The following CTNNA3 variants were observed in gnomAD, a reference collection of about 807,000 sequenced individuals.
The protein encoded by CTNNA3 is catenin alpha 3, also known as catenin alpha-3.
In CTNNA3, 76 loss-of-function variants were observed where a neutral mutation model predicts 95.7. The ratio of observed to expected loss-of-function variants is 0.79; its 90% CI spans 0.66 to 0.96. The LOEUF (loss-of-function observed/expected upper bound fraction) is 0.96. Ranked by LOEUF, CTNNA3 falls within the 40% of genes least tolerant of loss-of-function variation. CTNNA3 has a pLI of 0.00. For synonymous variants in CTNNA3, 431 were observed against 374.4 expected, an observed-to-expected ratio of 1.15 and a Z score of -1.74; for missense variants, 1,191 against 1,089.8, an observed-to-expected ratio of 1.09 and a Z score of -1.31.
chr10:66,855,971 G>T lies in CTNNA3; in HGVS notation c.1048-80447C>A, dbSNP rs146817320. Among the ~76,000 whole-genome samples the T allele has an allele frequency of 4.3e-4, 65 of 151,980 alleles. No homozygotes were observed. The East Asian group carries it at 0.012, about 29-fold the overall frequency. Reference sequence around the variant, plus strand: ...TTTGAGTTCAGTGGTACACATGCAGGTTTGTTATGTGAATAAATTGCATGC... The same window carrying T: ...TTTGAGTTCAGTGGTACACATGCAGTTTTGTTATGTGAATAAATTGCATGC... On this transcript the variant is annotated intron_variant, in intron 7 of 17. Transcript: ENST00000433211.
At chr10:66,279,960 A>G (rs565578488) in intron 13 of CTNNA3, among the ~76,000 whole-genome samples, 3 of 151,872 alleles carry the variant, frequency 2.0e-5, no homozygotes. Context: ...CAAACAGACA[A>G]CTCCCAGACT....
chr10:66,779,708 T>C (rs2132840150), intron 7 of CTNNA3, among the ~76,000 whole-genome samples: 1 of 152,340 alleles, frequency 6.6e-6, no homozygotes, highest in South Asian at 2.1e-4. Context: ...AAATTTTACA[T>C]AGAGCCTTTG....
Position 67,186,021 on chromosome 10 carries a change from G to T in CTNNA3, c.844-5501C>A, listed in dbSNP as rs117529064. ...AGCCTAGACTACAGAGCAAGACTCC[G>T]TCTCACAAAAAAAAAAAAAAAAAAA... On this transcript the variant is annotated intron_variant, in intron 6 of 17. Coordinates refer to ENST00000433211, the MANE Select transcript of CTNNA3 (RefSeq NM_013266.4). Among the ~76,000 whole-genome samples the T allele has an allele frequency of 0.012, 1,682 of 137,414 alleles. 91 individuals carry two copies. The East Asian group carries it at 0.18, about 14-fold the overall frequency. 90.1% of individuals were successfully genotyped at this position (137,414 alleles called of 152,430 possible).
chr10:66,410,823 G>C lies in CTNNA3; in HGVS notation c.1532-31471C>G, dbSNP rs148624362. Among the ~76,000 whole-genome samples, 183 of 152,210 alleles carry C rather than the reference G, an allele frequency of 1.2e-3. 2 individuals carry two copies. Among genetic ancestry groups the C allele is most frequent in the African/African-American group, 4.0e-3 (166 of 41,530 alleles). ...TTGGAATGCGTGCTGTGTTTCTAAG[G>C]CTCTTTCTCATCCTGGTGTTGGTCA... is the stretch of plus-strand genomic sequence containing the variant. On this transcript the variant is annotated intron_variant, in intron 11 of 17. Transcript: ENST00000433211.
intron 10 of CTNNA3, among the ~76,000 whole-genome samples, chr10:66,551,816 G>C (rs10997231): frequency 0.18 from 27,285 of 151,476 alleles, 3,143 homozygotes; most frequent in East Asian, 0.62. Flanking sequence ...CTGTTTTGGA[G>C]CTGTCCGTAC....
chr10:67,505,942 T>C (rs1337134290), intron 5 of CTNNA3, among the ~76,000 whole-genome samples: 1 of 152,206 alleles, frequency 6.6e-6, no homozygotes, highest in African/African-American at 2.4e-5. Context: ...ATCAGGTTTG[T>C]AATAATACAG....
intron 9 of CTNNA3, among the ~76,000 whole-genome samples, chr10:66,678,829 G>C (rs923906323): frequency 1.3e-5 from 2 of 152,110 alleles, no homozygotes; most frequent in African/African-American, 4.8e-5. Flanking sequence ...ATGTGTATGA[G>C]AGTGTGTGTG....
intron 9 of CTNNA3, among the ~76,000 whole-genome samples, chr10:66,720,825 C>G (rs2394300): frequency 6.6e-6 from 1 of 151,782 alleles, no homozygotes; most frequent in Admixed American, 6.6e-5. Flanking sequence ...AGAGAGAGAC[C>G]CTGTCTCAAA....
intron 6 of CTNNA3, among the ~76,000 whole-genome samples, chr10:67,185,426 T>G (rs547916744): frequency 6.6e-6 from 1 of 152,120 alleles, no homozygotes; most frequent in East Asian, 1.9e-4. Context: ...ACGGCCGGCC[T>G]TTTTTTCCTT....
At chr10:67,711,517 T>C (rs1224649372) in intron 1 of CTNNA3, among the ~76,000 whole-genome samples, 1 of 152,200 alleles carries the variant, frequency 6.6e-6, no homozygotes, top group African/African-American at 2.4e-5. Flanking sequence ...TCCCTAAAGA[T>C]GTGTGGAACT....
In CTNNA3 at chr10:66,611,557, G is replaced by GA. The variant is rs375969559; in HGVS notation, c.1374+10134dup. ...TAGGTTTACTTTTCAATTTAAGGGG[G>GA]AAAAAATCTAGGAATATAGCTTCTG... On this transcript the variant is annotated intron_variant, in intron 10 of 17. Transcript: ENST00000433211. Among the ~76,000 whole-genome samples the GA allele has an allele frequency of 7.9e-5, 12 of 152,166 alleles. No homozygotes were observed. In the South Asian group the frequency reaches 1.9e-3, roughly 24 times the overall value.
Position 67,584,830 on chromosome 10 carries a change from A to G in CTNNA3, c.292+22027T>C, listed in dbSNP as rs116076326. On this transcript the variant is annotated intron_variant, in intron 3 of 17. Transcript: ENST00000433211. ...TTCCATCTCAAACTGTGTGCTAGCA[A>G]TGAGCGAGGCTCCATGGGCATGGGA... Among the ~76,000 whole-genome samples the G allele has an allele frequency of 3.7e-3, 567 of 152,308 alleles. 2 individuals are homozygous for G. The highest frequency in any genetic ancestry group is 0.013 in the African/African-American group (546 of 41,568).
intron 1 of CTNNA3, among the ~76,000 whole-genome samples, chr10:67,735,700 G>C (rs2133635993): frequency 6.6e-6 from 1 of 152,270 alleles, no homozygotes; most frequent in Middle Eastern, 3.4e-3. Context: ...TATATTGCTT[G>C]AGGAATTGTA....
intron 7 of CTNNA3, among the ~76,000 whole-genome samples, chr10:67,125,807 G>A (rs1417739897): frequency 6.6e-6 from 1 of 152,142 alleles, no homozygotes; most frequent in Non-Finnish European, 1.5e-5. Flanking sequence ...TAGCCCTGTT[G>A]AGGGTGATTA....
At chr10:67,466,497 T>C (rs1024874683) in intron 5 of CTNNA3, among the ~76,000 whole-genome samples, 1 of 152,216 alleles carries the variant, frequency 6.6e-6, no homozygotes, top group Non-Finnish European at 1.5e-5. Flanking sequence ...GCTTTTAGGA[T>C]AATCAGATAT....
Position 67,422,280 on chromosome 10 carries a change from G to C in CTNNA3, c.579+99562C>G, listed in dbSNP as rs1289004848. On this transcript the variant is annotated intron_variant, in intron 5 of 17. Transcript: ENST00000433211. ...AACTGTATTGAGATTATTCAACACA[G>C]TGTCCTTGTTCTTAGAAAATATACA... Among the ~76,000 whole-genome samples, 12 of 152,186 alleles carry C rather than the reference G, an allele frequency of 7.9e-5. 1 individual carries two copies. The East Asian group carries it at 2.1e-3, about 27-fold the overall frequency.
At chr10:66,423,468 C>G (rs1041553757) in intron 11 of CTNNA3, among the ~76,000 whole-genome samples, 1 of 152,122 alleles carries the variant, frequency 6.6e-6, no homozygotes, top group Non-Finnish European at 1.5e-5. Context: ...GATCAAAAAC[C>G]ACCTAAATCC....
chr10:67,300,183 A>C (rs1422375228), intron 5 of CTNNA3, among the ~76,000 whole-genome samples: 2 of 152,176 alleles, frequency 1.3e-5, no homozygotes, highest in Non-Finnish European at 2.9e-5. Context: ...CGCTCCCCCC[A>C]CAAAAAATAC....
intron 10 of CTNNA3, among the ~76,000 whole-genome samples, chr10:66,541,922 A>T (rs1245939427): frequency 6.6e-6 from 1 of 152,202 alleles, no homozygotes; most frequent in Non-Finnish European, 1.5e-5. Context: ...TTTGCACAGC[A>T]AAAGAAACTA....
Sources: gnomAD v4.1 joint callset for allele counts (sites outside exome capture counted in the v4.1 genomes callset) on GRCh38, gnomAD v4.1.1 for gene constraint, MANE v1.5 for transcripts, NCBI Gene and HGNC (gene_info 2026-07-23, HGNC 2026-07-21) for gene names.